Variants in ZNF385D observed in about 807,000 individuals in gnomAD.
The protein encoded by ZNF385D is zinc finger protein 385D.
In ZNF385D, 15 loss-of-function variants were observed where a neutral mutation model predicts 35.8. The ratio of observed to expected loss-of-function variants is 0.42; its 90% CI spans 0.28 to 0.64. The LOEUF (loss-of-function observed/expected upper bound fraction) is 0.64, where lower values mean the gene tolerates loss of function less well. Among genes scored for constraint, ZNF385D ranks in the 30% least tolerant of loss-of-function variants. The pLI is 0.23. For synonymous variants in ZNF385D, 212 were observed against 186.8 expected, an observed-to-expected ratio of 1.13 and a Z score of -1.10; for missense variants, 474 against 494.6, an observed-to-expected ratio of 0.96 and a Z score of 0.39.
chr3:22,080,026 C>A (rs561219181), intron 3 of ZNF385D, among the ~76,000 whole-genome samples: 1 of 151,966 alleles, frequency 6.6e-6, no homozygotes, highest in African/African-American at 2.4e-5. Flanking sequence ...AGTTGTTACA[C>A]TTTCCTGGTA....
At chr3:21,443,387 C>T in intron 4 of ZNF385D, 2 of 980,884 alleles carry the variant, frequency 2.0e-6, no homozygotes, top group Non-Finnish European at 2.4e-6. Context: ...ATATAGTCTC[C>T]ATTTGTATGC....
intron 5 of ZNF385D, among the ~76,000 whole-genome samples, chr3:21,434,646 A>AG (rs1258754810): frequency 1.3e-5 from 2 of 152,156 alleles, no homozygotes; most frequent in Non-Finnish European, 2.9e-5. Flanking sequence ...TGGTGGACAG[A>AG]GGGGGTCAAA....
At chr3:22,195,489 AAC>A (rs920280083) in intron 2 of ZNF385D, among the ~76,000 whole-genome samples, 3 of 152,140 alleles carry the variant, frequency 2.0e-5, no homozygotes, top group Non-Finnish European at 4.4e-5. Flanking sequence ...CATATATAAG[AAC>A]ACTTTTTCCT....
chr3:22,048,047 T>C (rs575942874), intron 3 of ZNF385D, among the ~76,000 whole-genome samples: 18 of 152,324 alleles, frequency 1.2e-4, no homozygotes, highest in Admixed American at 1.0e-3. Context: ...TGTCTTCTTT[T>C]GAGAAACATC....
intron 4 of ZNF385D, among the ~76,000 whole-genome samples, chr3:21,447,514 G>T (rs906408346): frequency 2.6e-5 from 4 of 152,350 alleles, no homozygotes; most frequent in Non-Finnish European, 2.9e-5. Flanking sequence ...AGAAATCAAG[G>T]TATGGTTTTT....
intron 1 of ZNF385D, among the ~76,000 whole-genome samples, chr3:21,707,467 A>G (rs2067948438): frequency 6.6e-6 from 1 of 152,202 alleles, no homozygotes; most frequent in South Asian, 2.1e-4. Context: ...CAAATTTTAG[A>G]CAGAACCCCC....
chr3:22,178,636 T>C (rs1694998679), intron 2 of ZNF385D, among the ~76,000 whole-genome samples: 1 of 152,182 alleles, frequency 6.6e-6, no homozygotes, highest in African/African-American at 2.4e-5. Context: ...CTTTTGGTGT[T>C]TTAGACATGA....
intron 3 of ZNF385D, among the ~76,000 whole-genome samples, chr3:22,093,872 G>T (rs143342882): frequency 6.6e-6 from 1 of 152,074 alleles, no homozygotes; most frequent in Non-Finnish European, 1.5e-5. Flanking sequence ...TACAGTAAAC[G>T]TTAAGCTCGC....
intron 3 of ZNF385D, among the ~76,000 whole-genome samples, chr3:21,995,002 T>C (rs773192513): frequency 2.0e-5 from 3 of 152,204 alleles, no homozygotes; most frequent in Non-Finnish European, 4.4e-5. Context: ...TGGGTCCAGG[T>C]AGGCCAATCC....
intron 1 of ZNF385D, among the ~76,000 whole-genome samples, chr3:21,701,522 G>T (rs1272858592): frequency 2.0e-5 from 3 of 151,948 alleles, no homozygotes; most frequent in African/African-American, 7.3e-5. Flanking sequence ...TTCCAAACCT[G>T]GCCCCTCCAA....
At chr3:21,816,108 G>C (rs560303751) in intron 3 of ZNF385D, among the ~76,000 whole-genome samples, 1 of 152,208 alleles carries the variant, frequency 6.6e-6, no homozygotes, top group East Asian at 1.9e-4. Flanking sequence ...ATGCAGAAAA[G>C]GCCTTTGACA....
At chr3:22,149,213 G>A (rs1705068929) in intron 3 of ZNF385D, among the ~76,000 whole-genome samples, 1 of 152,078 alleles carries the variant, frequency 6.6e-6, no homozygotes, top group African/African-American at 2.4e-5. Context: ...ATTTCTCTAA[G>A]AATGTTACAT....
intron 2 of ZNF385D, 138 bp downstream of exon 2, chr3:21,664,748 A>G: frequency 3.3e-6 from 4 of 1,197,842 alleles, no homozygotes; most frequent in Non-Finnish European, 4.7e-6. Flanking sequence ...GCAAACAACT[A>G]ACTTCATTAT....
At chr3:21,594,726 C>T (rs77492886) in intron 2 of ZNF385D, among the ~76,000 whole-genome samples, 3,448 of 152,224 alleles carry the variant, frequency 0.023, 54 homozygotes, top group Non-Finnish European at 0.035. Context: ...TTGTGCCAAA[C>T]AATTTTTAAA....
chr3:22,268,890 G>T lies in ZNF385D; in HGVS notation c.107-99855C>A, dbSNP rs531437316. On this transcript the variant is annotated intron_variant, in intron 2 of 5. Transcript: ENST00000494108. ...CCTTATCTGGAAAATAGTGGGGGTG[G>T]GGGAGAATGGGGTTGTGGTGAAGAT... Among the ~76,000 whole-genome samples the T allele has an allele frequency of 2.6e-5, 4 of 151,984 alleles. No individual in the cohort carries two copies. The East Asian group carries it at 7.8e-4, about 30-fold the overall frequency.
chr3:22,136,316 A>T (rs1430343020), intron 3 of ZNF385D, among the ~76,000 whole-genome samples: 10 of 152,122 alleles, frequency 6.6e-5, no homozygotes, highest in Non-Finnish European at 1.5e-4. Context: ...TGAACCTGGG[A>T]GGCAGAGGTT....
chr3:22,204,467 A>C (rs2125248719), intron 2 of ZNF385D, among the ~76,000 whole-genome samples: 1 of 152,186 alleles, frequency 6.6e-6, no homozygotes, highest in Non-Finnish European at 1.5e-5. Context: ...GAACATCCAC[A>C]AGCATCAAGA....
intron 3 of ZNF385D, among the ~76,000 whole-genome samples, chr3:22,155,301 G>A (rs1035698827): frequency 2.6e-5 from 4 of 151,950 alleles, no homozygotes; most frequent in African/African-American, 4.8e-5. Flanking sequence ...TGGGGTCTCC[G>A]CTTTGATTTT....
intron 3 of ZNF385D, among the ~76,000 whole-genome samples, chr3:21,885,147 T>C (rs1698476151): frequency 6.6e-6 from 1 of 152,078 alleles, no homozygotes; most frequent in Middle Eastern, 3.4e-3. Flanking sequence ...TAAAAGCATA[T>C]CATATATGCA....
Sources: gnomAD v4.1 joint callset for allele counts (sites outside exome capture counted in the v4.1 genomes callset) on GRCh38, gnomAD v4.1.1 for gene constraint, MANE v1.5 for transcripts, NCBI Gene and HGNC (gene_info 2026-07-23, HGNC 2026-07-21) for gene names.